Variants in RBFOX1 observed in about 807,000 individuals in gnomAD.
The protein encoded by RBFOX1 is RNA binding protein fox-1 homolog 1.
Under a neutral mutation model 57.7 loss-of-function variants are expected in RBFOX1, and 8 were observed. That is an observed-to-expected ratio of 0.14 (90% CI 0.08 to 0.25). The LOEUF (loss-of-function observed/expected upper bound fraction) is 0.25. Ranked by LOEUF, RBFOX1 falls within the 10% of genes least tolerant of loss-of-function variation. The probability of loss-of-function intolerance (pLI) is 1.00; values close to 1 mark genes in which losing one functional copy is unlikely to be tolerated. For missense variants in RBFOX1, 611 were observed against 548.5 expected, an observed-to-expected ratio of 1.11 and a Z score of -1.14; for synonymous variants, 326 against 222.4, an observed-to-expected ratio of 1.47 and a Z score of -4.15.
chr16:7,233,106 G>C (rs2093593975), intron 4 of RBFOX1, among the ~76,000 whole-genome samples: 1 of 151,956 alleles, frequency 6.6e-6, no homozygotes, highest in African/African-American at 2.4e-5. Context: ...ATGTACATAG[G>C]ATGCTTTCCC....
intron 2 of RBFOX1, among the ~76,000 whole-genome samples, chr16:5,518,786 C>A (rs80187773): frequency 6.6e-6 from 1 of 152,144 alleles, no homozygotes; most frequent in Non-Finnish European, 1.5e-5. Flanking sequence ...AACACAGAAA[C>A]AGAGTATGTG....
At chr16:6,634,632 TG>T (rs1398904070) in intron 2 of RBFOX1, among the ~76,000 whole-genome samples, 2 of 145,840 alleles carry the variant, frequency 1.4e-5, no homozygotes, top group Non-Finnish European at 3.0e-5. Flanking sequence ...ATTATATAAA[TG>T]GAAATTACAT....
In RBFOX1 at chr16:6,506,560, A is replaced by C. The variant is rs983679290; in HGVS notation, c.-63-148043A>C. On this transcript the variant is annotated intron_variant, in intron 2 of 15. Transcript: ENST00000550418. ...TGGGACATCTATGGACCCACAGTGT[A>C]GTCTAGACTCACCTTTGATGTTGAA... Among the ~76,000 whole-genome samples, 3 of 148,684 alleles carry C rather than the reference A, an allele frequency of 2.0e-5. No homozygotes were observed. The East Asian group carries it at 6.3e-4, about 31-fold the overall frequency.
At chr16:7,698,785 G>T (rs1402538274) in intron 14 of RBFOX1, among the ~76,000 whole-genome samples, 1 of 152,124 alleles carries the variant, frequency 6.6e-6, no homozygotes, top group Non-Finnish European at 1.5e-5. Flanking sequence ...TATAAGCAAA[G>T]GAACTTAGGA....
chr16:7,519,483 A>C (rs564016420), intron 5 of RBFOX1, among the ~76,000 whole-genome samples: 7 of 152,226 alleles, frequency 4.6e-5, no homozygotes, highest in African/African-American at 1.7e-4. Context: ...ATGTAAACAG[A>C]AACATTTTAT....
chr16:5,687,315 A>T (rs2050535016), intron 3 of RBFOX1, among the ~76,000 whole-genome samples: 1 of 152,134 alleles, frequency 6.6e-6, no homozygotes, highest in Non-Finnish European at 1.5e-5. Context: ...GTGTGGACCG[A>T]GAGAGACAAA....
Position 5,960,736 on chromosome 16 carries a change from A to ACT in RBFOX1, c.351+93401_351+93402insCT, listed in dbSNP as rs1461458928. ...GCCGCACCTCCTCCATCATTCTGTC[A>ACT]GTGTGGAGCAACCCCAACACAGTGA... On this transcript the variant is annotated intron_variant, in intron 4 of 19. Coordinates refer to the RBFOX1 transcript ENST00000641259. Among the ~76,000 whole-genome samples the ACT allele has an allele frequency of 3.3e-5, 5 of 152,184 alleles. No homozygotes were observed. The East Asian group carries it at 9.6e-4, about 29-fold the overall frequency.
rs182292080 is a variant in RBFOX1, at chr16:6,248,325, G to C, written c.-126-68670G>C. ...TGGATTTTCTTTGCTTTTGGATAAT[G>C]GGCATTTCTAGTTAAATCAACACAG... On this transcript the variant is annotated intron_variant, in intron 1 of 15. Transcript: ENST00000550418. 9.9e-4 allele frequency among the ~76,000 whole-genome samples: 151 copies of C among 152,234 alleles called. 2 individuals carry two copies. The highest frequency in any genetic ancestry group is 3.4e-3 in the African/African-American group (140 of 41,546).
At chr16:5,447,836 T>C (rs2068297012) in intron 1 of RBFOX1, among the ~76,000 whole-genome samples, 1 of 152,238 alleles carries the variant, frequency 6.6e-6, no homozygotes, top group Non-Finnish European at 1.5e-5. Flanking sequence ...ATGGCATGGA[T>C]ACCCATGGCC....
intron 1 of RBFOX1, among the ~76,000 whole-genome samples, chr16:5,407,457 G>A (rs1286627115): frequency 6.6e-6 from 1 of 152,140 alleles, no homozygotes; most frequent in Non-Finnish European, 1.5e-5. Context: ...GGGGAGCTTG[G>A]AGGTGAGGAA....
intron 3 of RBFOX1, among the ~76,000 whole-genome samples, chr16:5,758,215 C>T (rs949335073): frequency 6.6e-6 from 1 of 152,190 alleles, no homozygotes; most frequent in East Asian, 1.9e-4. Context: ...TGCTATTAAT[C>T]CTACATGTTC....
chr16:7,487,024 C>T (rs955368948), intron 4 of RBFOX1, among the ~76,000 whole-genome samples: 3 of 152,098 alleles, frequency 2.0e-5, no homozygotes, highest in Non-Finnish European at 2.9e-5. Flanking sequence ...CTCAGCCTCC[C>T]GAGTAGCTGA....
intron 3 of RBFOX1, among the ~76,000 whole-genome samples, chr16:6,718,904 C>T (rs781193980): frequency 6.6e-6 from 1 of 151,914 alleles, no homozygotes; most frequent in Non-Finnish European, 1.5e-5. Context: ...GTACTGTTGC[C>T]TAGGCTGGAG....
At chr16:5,811,322 C>T (rs370116772) in intron 3 of RBFOX1, among the ~76,000 whole-genome samples, 27 of 151,750 alleles carry the variant, frequency 1.8e-4, no homozygotes, top group Admixed American at 7.9e-4. Flanking sequence ...TTAGTAGAGA[C>T]GGGGTTTCCC....
rs148380278 is a variant in RBFOX1 at position 6,824,967 on chromosome 16, T to TTTTC, written c.-16+170328_-16+170331dup. On this transcript the variant is annotated intron_variant, in intron 3 of 15. Transcript: ENST00000550418. The stretch of plus-strand genomic sequence containing the variant: ...CATCCTTCTACACTGAGGATTTCTT[T>TTTTC]TTTCTTTCTTTCTTGGTTTTTTTTT... 2.2e-3 allele frequency among the ~76,000 whole-genome samples: 325 copies of TTTTC among 148,572 alleles called. 1 individual carries two copies. Among genetic ancestry groups the TTTTC allele is most frequent in the African/African-American group, 7.7e-3 (310 of 40,442 alleles).
chr16:6,569,426 G>A (rs1013329727), intron 2 of RBFOX1, among the ~76,000 whole-genome samples: 10 of 152,120 alleles, frequency 6.6e-5, no homozygotes, highest in African/African-American at 2.2e-4. Flanking sequence ...AGGAAGTGTT[G>A]ACTTTTATTC....
At chr16:7,705,520 T>G (rs1489581990) in intron 14 of RBFOX1, among the ~76,000 whole-genome samples, 1 of 152,084 alleles carries the variant, frequency 6.6e-6, no homozygotes, top group Admixed American at 6.6e-5. Context: ...TATTAAATTT[T>G]TTAAAAATCC....
At chr16:7,226,017 A>G (rs1260325744) in intron 4 of RBFOX1, among the ~76,000 whole-genome samples, 2 of 151,710 alleles carry the variant, frequency 1.3e-5, no homozygotes, top group African/African-American at 2.4e-5. Flanking sequence ...CTGAATCTGT[A>G]CACTCTGCTT....
At chr16:6,828,770 C>A (rs2092443208) in intron 3 of RBFOX1, among the ~76,000 whole-genome samples, 1 of 152,038 alleles carries the variant, frequency 6.6e-6, no homozygotes, top group South Asian at 2.1e-4. Flanking sequence ...TGACCAGCAC[C>A]ATGAATTCCG....
Sources: allele counts gnomAD v4.1 joint callset (sites outside exome capture counted in the v4.1 genomes callset), GRCh38; gene constraint gnomAD v4.1.1; transcripts MANE v1.5; gene names NCBI Gene and HGNC (gene_info 2026-07-23, HGNC 2026-07-21).